The following CFAP299 variants were observed in gnomAD, a reference collection of about 807,000 sequenced individuals.
CFAP299 encodes the protein cilia and flagella associated protein 299.
Under a neutral mutation model 27.0 loss-of-function variants are expected in CFAP299, and 21 were observed. The ratio of observed to expected loss-of-function variants is 0.78; its 90% CI spans 0.55 to 1.12. The LOEUF (loss-of-function observed/expected upper bound fraction) is 1.12. CFAP299 is among the 50% of genes most tolerant of loss of function. CFAP299 has a pLI of 0.00. For synonymous variants in CFAP299, 104 were observed against 98.1 expected, an observed-to-expected ratio of 1.06 and a Z score of -0.36; for missense variants, 310 against 276.6, an observed-to-expected ratio of 1.12 and a Z score of -0.86.
At chr4:80,650,864 A>G (rs188183140) in intron 3 of CFAP299, among the ~76,000 whole-genome samples, 1 of 152,176 alleles carries the variant, frequency 6.6e-6, no homozygotes, top group Non-Finnish European at 1.5e-5. Flanking sequence ...CTCAGGGGAA[A>G]GGATGGGAAG....
chr4:80,468,004 G>A (rs1447456710), intron 2 of CFAP299, among the ~76,000 whole-genome samples: 4 of 152,126 alleles, frequency 2.6e-5, no homozygotes, highest in Admixed American at 2.6e-4. Context: ...GACCTGTGGG[G>A]ATTATGGGGA....
the CFAP299 span, among the ~76,000 whole-genome samples, chr4:80,321,561 C>T: frequency 6.6e-6 from 1 of 152,160 alleles, no homozygotes; most frequent in Non-Finnish European, 1.5e-5. Context: ...GGGCCGCTCC[C>T]CCATCGCCAC....
intron 2 of CFAP299, among the ~76,000 whole-genome samples, chr4:80,425,431 T>C (rs1469319905): frequency 2.0e-5 from 3 of 152,208 alleles, no homozygotes; most frequent in Non-Finnish European, 4.4e-5. Context: ...TTACTACTCA[T>C]AAATTTCTGA....
Position 80,850,963 on chromosome 4 carries a change from A to G in CFAP299, c.334-19030A>G, listed in dbSNP as rs567516106. Among the ~76,000 whole-genome samples the G allele has an allele frequency of 1.4e-3, 212 of 152,250 alleles. 2 individuals are homozygous for G. The highest frequency in any genetic ancestry group is 2.5e-3 in the Non-Finnish European group (169 of 67,962). ...AATCAAAGTTAATACAGAAGCTTCT[A>G]CTTTTTGGTTGATAGTGTAGATATT... On this transcript the variant is annotated intron_variant, in intron 3 of 5. Coordinates refer to ENST00000358105, the MANE Select transcript of CFAP299 (RefSeq NM_152770.3).
the CFAP299 span, among the ~76,000 whole-genome samples, chr4:80,322,885 G>A: frequency 1.3e-5 from 2 of 152,144 alleles, no homozygotes; most frequent in African/African-American, 4.8e-5. Flanking sequence ...GGCACCTTTG[G>A]CAGACAGAAG....
chr4:80,717,775 G>A (rs1431007517), intron 3 of CFAP299, among the ~76,000 whole-genome samples: 1 of 152,000 alleles, frequency 6.6e-6, no homozygotes, highest in Non-Finnish European at 1.5e-5. Context: ...AGTAAAAAAT[G>A]CAGGAAAAAT....
intron 3 of CFAP299, among the ~76,000 whole-genome samples, chr4:80,820,750 C>A (rs923329533): frequency 6.6e-6 from 1 of 152,126 alleles, no homozygotes; most frequent in South Asian, 2.1e-4. Context: ...CGCATTTCCT[C>A]GCCTGCCATA....
In CFAP299 at chr4:80,863,625, A is replaced by T. The variant is rs187681518; in HGVS notation, c.334-6368A>T. ...TTCTTCATTGCTTGTTCATGTGGGG[A>T]TTTTTTACATGGTTAACCAAAAACT... On this transcript the variant is annotated intron_variant, in intron 3 of 5. Transcript: ENST00000358105. 4.6e-3 allele frequency among the ~76,000 whole-genome samples: 703 copies of T among 151,952 alleles called. 3 individuals are homozygous for T. The highest frequency in any genetic ancestry group is 0.016 in the African/African-American group (667 of 41,448).
chr4:80,963,160 T>C (rs748171175), intron 5 of CFAP299, among the ~76,000 whole-genome samples: 1 of 152,080 alleles, frequency 6.6e-6, no homozygotes, highest in African/African-American at 2.4e-5. Flanking sequence ...GAAATCAAGA[T>C]AGGATTCTTT....
At chr4:80,911,764 A>G (rs966090010) in intron 4 of CFAP299, among the ~76,000 whole-genome samples, 8 of 152,168 alleles carry the variant, frequency 5.3e-5, no homozygotes, top group African/African-American at 1.4e-4. Flanking sequence ...ATGCCATAAG[A>G]AGCACTTCTT....
intron 3 of CFAP299, among the ~76,000 whole-genome samples, chr4:80,755,523 T>C (rs1398898562): frequency 6.6e-6 from 1 of 152,122 alleles, no homozygotes; most frequent in Non-Finnish European, 1.5e-5. Flanking sequence ...ACCATTTGAC[T>C]ATTAAATTCA....
chr4:80,372,238 A>C (rs902896323), intron 2 of CFAP299, among the ~76,000 whole-genome samples: 3 of 152,192 alleles, frequency 2.0e-5, no homozygotes, highest in African/African-American at 4.8e-5. Context: ...ATCTCACAAG[A>C]ACTCACTGTC....
rs1262594391 is a variant in CFAP299 at position 80,873,182 on chromosome 4, A to C, written c.476+3047A>C. On this transcript the variant is annotated intron_variant, in intron 4 of 5. Transcript: ENST00000358105. ...GGGAAAAAGTCCCTTAGGTGTATGA[A>C]GTTCCATACTTAGTTTGATTCAGAA... The C allele has an allele frequency of 2.1e-5, 4 of 194,506 alleles. No individual in the cohort carries two copies. The East Asian group carries it at 7.5e-4, about 36-fold the overall frequency. 12.0% of individuals were successfully genotyped at this position (194,506 alleles called of 1,614,324 possible).
At chr4:80,871,968 T>G (rs1733120788) in intron 4 of CFAP299, 1 of 152,076 alleles carries the variant, frequency 6.6e-6, no homozygotes, top group South Asian at 2.1e-4. Context: ...TGCTTTTTTT[T>G]TTTTTTACAA....
chr4:80,602,499 C>T (rs1255530389), intron 3 of CFAP299, among the ~76,000 whole-genome samples: 1 of 152,168 alleles, frequency 6.6e-6, no homozygotes, highest in Non-Finnish European at 1.5e-5. Flanking sequence ...ATCATTAACA[C>T]TACTAATAAA....
intron 1 of CFAP299, among the ~76,000 whole-genome samples, chr4:80,337,038 C>T (rs1421235916): frequency 2.0e-5 from 3 of 152,098 alleles, no homozygotes; most frequent in African/African-American, 7.2e-5. Flanking sequence ...GTGGTATTTC[C>T]AATATAGCTC....
intron 3 of CFAP299, among the ~76,000 whole-genome samples, chr4:80,602,398 A>T (rs977197543): frequency 6.6e-6 from 1 of 152,128 alleles, no homozygotes; most frequent in Non-Finnish European, 1.5e-5. Flanking sequence ...AATTAATTTA[A>T]AAAAGTATAT....
intron 5 of CFAP299, among the ~76,000 whole-genome samples, chr4:80,954,986 C>A (rs1252558218): frequency 6.3e-5 from 6 of 95,610 alleles, no homozygotes; most frequent in African/African-American, 1.3e-4. Context: ...GGTGACAGAG[C>A]AAGACTCCAT....
intron 3 of CFAP299, among the ~76,000 whole-genome samples, chr4:80,633,845 T>C (rs938916669): frequency 6.6e-6 from 1 of 152,188 alleles, no homozygotes; most frequent in Admixed American, 6.5e-5. Context: ...GAAAATAGTC[T>C]TAATTAGAAC....
Sources: allele counts gnomAD v4.1 joint callset (sites outside exome capture counted in the v4.1 genomes callset), GRCh38; gene constraint gnomAD v4.1.1; transcripts MANE v1.5; gene names NCBI Gene and HGNC (gene_info 2026-07-23, HGNC 2026-07-21).